ASRGL1: variants seen among roughly 807,000 people sequenced by gnomAD.
ASRGL1 encodes asparaginase and isoaspartyl peptidase 1, also known as isoaspartyl peptidase/L-asparaginase.
In ASRGL1, 16 loss-of-function variants were observed where a neutral mutation model predicts 22.4. The observed-to-expected ratio is 0.71, with a 90% CI of 0.48 to 1.08. ASRGL1 has a LOEUF of 1.08. Ranked by LOEUF, ASRGL1 falls within the 50% of genes least tolerant of loss-of-function variation. The pLI is 0.00. For missense variants in ASRGL1, 412 were observed against 410.1 expected (o/e 1.00, Z -0.04); for synonymous variants, 165 against 159.3 (o/e 1.04, Z -0.27).
chr11:62,343,374 T>C, intron 2 of ASRGL1, among the ~76,000 whole-genome samples: 1 of 82,828 alleles, frequency 1.2e-5, no homozygotes. Flanking sequence ...TGAGACCCTG[T>C]CTCAAAAAAA....
Position 62,386,447 on chromosome 11 carries a change from G to A in ASRGL1, c.492-2686G>A, listed in dbSNP as rs1489879009. Among the ~76,000 whole-genome samples, 3 of 152,106 alleles carry A rather than the reference G, an allele frequency of 2.0e-5. No homozygotes were observed. In the East Asian group the frequency reaches 5.8e-4, roughly 29 times the overall value. ...AATTTATCAATTAAACTTTATCATAGATATGTACATATCATACATATCATA... is the reference window on the plus strand; with the variant it reads ...AATTTATCAATTAAACTTTATCATAAATATGTACATATCATACATATCATA... On this transcript the variant is annotated intron_variant, in intron 4 of 6. Transcript: ENST00000415229.
intron 4 of ASRGL1, among the ~76,000 whole-genome samples, chr11:62,365,004 G>A (rs1328529449): frequency 1.3e-5 from 2 of 151,668 alleles, no homozygotes; most frequent in Non-Finnish European, 2.9e-5. Context: ...AGGAGGCAGA[G>A]GTTGCAGTGA....
At chr11:62,372,828 T>C in intron 4 of ASRGL1, 1 of 1,602,380 alleles carries the variant, frequency 6.2e-7, no homozygotes. Context: ...TCTGTTTTTC[T>C]GGGGGGCCAC....
At position 62,337,999 on chromosome 11, in the gene ASRGL1, C is replaced by T; in HGVS notation, c.22C>T (p.His8Tyr). Residue 8 changes from histidine to tyrosine, a missense_variant, in exon 2 of 7, where the codon CAC becomes TAC. Coordinates refer to ENST00000415229, the MANE Select transcript of ASRGL1 (RefSeq NM_001083926.2). ...CGACATGAATCCCATCGTAGTGGTC[C>T]ACGGCGGCGGAGCCGGTCCCATCTC... MNPIVVV[H>Y]GGGAGPISKD... 1 of 1,602,348 alleles carries T rather than the reference C, an allele frequency of 6.2e-7. No individual in the cohort carries two copies. The highest frequency in any genetic ancestry group is 8.5e-7 in the Non-Finnish European group (1 of 1,174,948).
chr11:62,368,567 C>T (rs1477424257), intron 4 of ASRGL1, among the ~76,000 whole-genome samples: 1 of 152,168 alleles, frequency 6.6e-6, no homozygotes, highest in Non-Finnish European at 1.5e-5. Flanking sequence ...AAGAAAGAGA[C>T]ACAGAGACAA....
chr11:62,355,731 C>A (rs1222870400), intron 2 of ASRGL1, among the ~76,000 whole-genome samples: 1 of 148,580 alleles, frequency 6.7e-6, no homozygotes, highest in African/African-American at 2.5e-5. Context: ...AACAAGTGAA[C>A]AAAGGTCTCT....
Position 62,389,197 on chromosome 11 carries a change from A to C in ASRGL1, c.556A>C (p.Thr186Pro). ...CKGNVAYATSTGGIVNKMVGR... is the reference protein window; with the variant it reads ...CKGNVAYATSPGGIVNKMVGR... ...AGGGAATGTAGCCTACGCAACCTCC[A>C]CAGGCGGTATCGTTAATAAAATGGT... The change falls in exon 5 of 7, where the codon ACA (threonine) becomes CCA (proline). Residue 186 changes from threonine to proline, a missense_variant. Transcript: ENST00000415229. 1 of 1,614,186 alleles carries C rather than the reference A, an allele frequency of 6.2e-7. No homozygotes were observed. The highest frequency in any genetic ancestry group is 8.5e-7 in the Non-Finnish European group (1 of 1,180,034).
chr11:62,379,286 G>T (rs1947007064), intron 4 of ASRGL1, among the ~76,000 whole-genome samples: 1 of 152,178 alleles, frequency 6.6e-6, no homozygotes, highest in Non-Finnish European at 1.5e-5. Flanking sequence ...ATCTGCTCCA[G>T]TGTCTACCAA....
At chr11:62,373,892 G>A (rs1946842736) in intron 4 of ASRGL1, among the ~76,000 whole-genome samples, 2 of 152,334 alleles carry the variant, frequency 1.3e-5, no homozygotes, top group South Asian at 2.1e-4. Context: ...GAACCATGGG[G>A]ACTTGGGGGT....
At chr11:62,395,753 CTGTTTCTTTTTTTT>C (rs1947425083), downstream of ASRGL1, among the ~76,000 whole-genome samples, 1 of 106,072 alleles carries the variant, frequency 9.4e-6, no homozygotes. Context: ...GATTTTGTAG[CTGTTTCTTTTTTTT>C]TTTTTTTTTT....
At chr11:62,369,078 G>A (rs984439618) in intron 4 of ASRGL1, among the ~76,000 whole-genome samples, 10 of 152,060 alleles carry the variant, frequency 6.6e-5, no homozygotes, top group African/African-American at 1.2e-4. Flanking sequence ...CCCTTCCCAC[G>A]AGGCCATATC....
intron 2 of ASRGL1, among the ~76,000 whole-genome samples, chr11:62,346,928 C>A (rs1258911392): frequency 2.0e-5 from 3 of 150,864 alleles, no homozygotes; most frequent in Non-Finnish European, 2.9e-5. Flanking sequence ...TGAGATGGCA[C>A]CACTGCACTC....
At chr11:62,389,046 A>G in intron 4 of ASRGL1, 87 bp from the exon 5 acceptor site, 1 of 1,160,656 alleles carries the variant, frequency 8.6e-7, no homozygotes, top group East Asian at 2.4e-5. Flanking sequence ...ATAACATGAA[A>G]CTTTAAGTGG....
intron 4 of ASRGL1, chr11:62,381,772 T>G (rs1043865327): frequency 6.6e-6 from 1 of 152,162 alleles, no homozygotes; most frequent in Admixed American, 6.5e-5. Flanking sequence ...ATATTTACTT[T>G]CAGTTTGCCC....
rs189512879 is a variant in ASRGL1, at chr11:62,375,177, G to C, written c.492-13956G>C. Reference sequence around the variant, plus strand: ...TTGTCCCGCACCTCCTTCTGGCTTAGATTGAAAAATGGGCTTCCTAATGGG... The same window carrying C: ...TTGTCCCGCACCTCCTTCTGGCTTACATTGAAAAATGGGCTTCCTAATGGG... On this transcript the variant is annotated intron_variant, in intron 4 of 6. Transcript: ENST00000415229. 3.0e-3 allele frequency among the ~76,000 whole-genome samples: 456 copies of C among 152,048 alleles called. 5 individuals carry two copies. The highest frequency in any genetic ancestry group is 4.3e-3 in the Non-Finnish European group (295 of 67,992).
In ASRGL1 at chr11:62,367,914, C is replaced by T. The variant is rs149369827; in HGVS notation, c.491+10770C>T. 8.4e-3 allele frequency among the ~76,000 whole-genome samples: 1,280 copies of T among 152,312 alleles called. 10 individuals are homozygous for T. Among genetic ancestry groups the T allele is most frequent in the Non-Finnish European group, 0.013 (880 of 68,034 alleles). ...CCGAGATCATGCCACTGCACTCCAG[C>T]CTGGGCAACAGAGCGAGACTCCGTC... is the stretch of plus-strand genomic sequence containing the variant. On this transcript the variant is annotated intron_variant, in intron 4 of 6. Coordinates refer to ENST00000415229, the MANE Select transcript of ASRGL1 (RefSeq NM_001083926.2).
At chr11:62,372,200 G>A (rs1184227591) in intron 4 of ASRGL1, 24 of 1,134,850 alleles carry the variant, frequency 2.1e-5, no homozygotes, top group Middle Eastern at 5.6e-4. Flanking sequence ...CAGACTCACC[G>A]AGGGTCTCAG....
chr11:62,345,562 C>T (rs1490361295), intron 2 of ASRGL1, among the ~76,000 whole-genome samples: 2 of 152,144 alleles, frequency 1.3e-5, no homozygotes, highest in Non-Finnish European at 1.5e-5. Flanking sequence ...AGCCACCACC[C>T]GTGGCCCAGC....
At chr11:62,356,078 C>T (rs891040316) in intron 2 of ASRGL1, among the ~76,000 whole-genome samples, 1 of 152,198 alleles carries the variant, frequency 6.6e-6, no homozygotes, top group Non-Finnish European at 1.5e-5. Flanking sequence ...ACCTTTCCCC[C>T]CTTTCTATTC....
Sources: allele counts gnomAD v4.1 joint callset (sites outside exome capture counted in the v4.1 genomes callset), GRCh38; gene constraint gnomAD v4.1.1; transcripts MANE v1.5; gene names NCBI Gene and HGNC (gene_info 2026-07-23, HGNC 2026-07-21).